STX12: variants seen among roughly 807,000 people sequenced by gnomAD.
The protein encoded by STX12 is syntaxin-12.
In STX12, 17 loss-of-function variants were observed where a neutral mutation model predicts 42.2. The ratio of observed to expected loss-of-function variants is 0.40; its 90% CI spans 0.28 to 0.60. The LOEUF (loss-of-function observed/expected upper bound fraction) is 0.60, where lower values mean the gene tolerates loss of function less well. STX12 is among the 20% of genes least tolerant of loss of function. The probability of loss-of-function intolerance (pLI) is 0.39; values close to 1 mark genes in which losing one functional copy is unlikely to be tolerated. For missense variants in STX12, 297 were observed against 330.9 expected (o/e 0.90, Z 0.79); for synonymous variants, 108 against 116.7 (o/e 0.93, Z 0.48).
chr1:27,788,804 A>T (rs2088717951), intron 1 of STX12, among the ~76,000 whole-genome samples: 1 of 152,064 alleles, frequency 6.6e-6, no homozygotes, highest in African/African-American at 2.4e-5. Context: ...AAGGTCAGGA[A>T]ATCCAGACCA....
intron 3 of STX12, among the ~76,000 whole-genome samples, chr1:27,795,497 G>A (rs553773697): frequency 3.2e-4 from 48 of 152,018 alleles, no homozygotes; most frequent in Admixed American, 2.7e-3. Context: ...GTAGAGATGG[G>A]GTTTTGCCAT....
intron 1 of STX12, among the ~76,000 whole-genome samples, chr1:27,784,202 T>C (rs2088686398): frequency 6.6e-6 from 1 of 151,976 alleles, no homozygotes. Context: ...AGTGTCACTT[T>C]ACTTTTTAAA....
intron 2 of STX12, among the ~76,000 whole-genome samples, chr1:27,793,323 C>T (rs771088145): frequency 6.6e-6 from 1 of 152,200 alleles, no homozygotes; most frequent in Non-Finnish European, 1.5e-5. Context: ...GCTATTGAAG[C>T]AGATTCTTTC....
chr1:27,776,730 TAAAA>T (rs1430738614), intron 1 of STX12, among the ~76,000 whole-genome samples: 1 of 151,986 alleles, frequency 6.6e-6, no homozygotes, highest in Non-Finnish European at 1.5e-5. Flanking sequence ...ATAAATAAAT[TAAAA>T]ATAAATAAAT....
intron 7 of STX12, among the ~76,000 whole-genome samples, chr1:27,818,384 T>TA (rs199601647): frequency 0.17 from 23,889 of 140,172 alleles, 4,949 homozygotes; most frequent in African/African-American, 0.49. Context: ...TCGTCTCAAT[T>TA]AAAAAAAAAA....
intron 4 of STX12, among the ~76,000 whole-genome samples, chr1:27,809,410 A>G (rs1357190683): frequency 1.3e-5 from 2 of 151,152 alleles, no homozygotes; most frequent in Non-Finnish European, 2.9e-5. Flanking sequence ...AGAGTTTAAT[A>G]TATATTGATA....
chr1:27,797,708 A>G (rs1283669339), intron 3 of STX12, among the ~76,000 whole-genome samples: 1 of 152,092 alleles, frequency 6.6e-6, no homozygotes, highest in Non-Finnish European at 1.5e-5. Flanking sequence ...CCTGAAATAA[A>G]CTACCTTCAT....
chr1:27,819,133 G>A (rs1049909093), intron 7 of STX12, among the ~76,000 whole-genome samples: 4 of 151,916 alleles, frequency 2.6e-5, no homozygotes, highest in African/African-American at 9.7e-5. Flanking sequence ...GCCAGGCATA[G>A]TAACATGCAC....
At chr1:27,788,338 AG>A (rs755213534) in intron 1 of STX12, among the ~76,000 whole-genome samples, 23 of 152,172 alleles carry the variant, frequency 1.5e-4, no homozygotes, top group Non-Finnish European at 2.9e-4. Context: ...AAATAAATGA[AG>A]GGCTCTATTG....
chr1:27,813,126 T>A (rs896878432), intron 6 of STX12, among the ~76,000 whole-genome samples: 1 of 152,088 alleles, frequency 6.6e-6, no homozygotes, highest in Non-Finnish European at 1.5e-5. Flanking sequence ...AGGCCTTTCT[T>A]ACCTAACTGA....
chr1:27,773,792 C>T (rs2088611773), intron 1 of STX12: 1 of 236,050 alleles, frequency 4.2e-6, no homozygotes, highest in Non-Finnish European at 8.7e-6. Flanking sequence ...CCTTCCTCCC[C>T]ACCCACCTCG....
chr1:27,801,302 C>G (rs2088826025), intron 3 of STX12, among the ~76,000 whole-genome samples: 1 of 151,854 alleles, frequency 6.6e-6, no homozygotes, highest in South Asian at 2.1e-4. Flanking sequence ...CCTCAGGAGG[C>G]TGAGGCACAA....
At chr1:27,819,971 C>T (rs556505958) in intron 8 of STX12, 1 of 369,458 alleles carries the variant, frequency 2.7e-6, no homozygotes, top group Admixed American at 4.2e-5. Flanking sequence ...ACCCTATACA[C>T]TAATATGATA....
At chr1:27,773,542 C>T in intron 1 of STX12, 117 bp downstream of exon 1, 1 of 911,974 alleles carries the variant, frequency 1.1e-6, no homozygotes, top group South Asian at 1.5e-5. Context: ...GGGGCTGTCT[C>T]GGGCTGTCCA....
At chr1:27,808,166 A>G (rs1046333404) in intron 4 of STX12, among the ~76,000 whole-genome samples, 2 of 152,112 alleles carry the variant, frequency 1.3e-5, no homozygotes, top group African/African-American at 4.8e-5. Flanking sequence ...TAAAAAGAAA[A>G]AAACAAACCA....
intron 8 of STX12, 131 bp downstream of exon 8, chr1:27,819,863 TC>T: frequency 3.1e-6 from 2 of 640,088 alleles, no homozygotes; most frequent in Non-Finnish European, 5.3e-6. Flanking sequence ...ATAATTGCAG[TC>T]CCAGTTCCAT....
In STX12 at chr1:27,803,342, T is replaced by C. The variant is rs150959174; in HGVS notation, c.426+1527T>C. Among the ~76,000 whole-genome samples the C allele has an allele frequency of 2.9e-3, 449 of 152,266 alleles. 4 individuals are homozygous for C. The highest frequency in any genetic ancestry group is 0.01 in the African/African-American group (423 of 41,560). ...ATAGCTAGAGAAACATTAGAATACC[T>C]TCAAAGATACAATAGTTAGATTGAC... is the stretch of plus-strand genomic sequence containing the variant. On this transcript the variant is annotated intron_variant, in intron 4 of 8. Transcript: ENST00000373943.
At chr1:27,811,462 G>T (rs993367166) in intron 5 of STX12, among the ~76,000 whole-genome samples, 1 of 152,004 alleles carries the variant, frequency 6.6e-6, no homozygotes, top group Non-Finnish European at 1.5e-5. Flanking sequence ...TTTAAAAAGT[G>T]TTATAACATT....
chr1:27,788,838 C>T (rs539413481), intron 1 of STX12, among the ~76,000 whole-genome samples: 14 of 152,086 alleles, frequency 9.2e-5, no homozygotes, highest in African/African-American at 3.1e-4. Flanking sequence ...GGTGAAAACC[C>T]GTCTCTACTA....
Sources: gnomAD v4.1 joint callset for allele counts (sites outside exome capture counted in the v4.1 genomes callset) on GRCh38, gnomAD v4.1.1 for gene constraint, MANE v1.5 for transcripts, NCBI Gene and HGNC (gene_info 2026-07-23, HGNC 2026-07-21) for gene names.